Variants in GALNT13 observed in about 807,000 individuals in gnomAD.
GALNT13 encodes polypeptide N-acetylgalactosaminyltransferase 13.
In GALNT13, 28 loss-of-function variants were observed where a neutral mutation model predicts 64.2. The ratio of observed to expected loss-of-function variants is 0.44; its 90% CI spans 0.32 to 0.60. The LOEUF is 0.60. Among genes scored for constraint, GALNT13 ranks in the 20% least tolerant of loss-of-function variants. The pLI, the probability that GALNT13 is intolerant of heterozygous loss-of-function variation, is 0.05. For missense variants in GALNT13, 577 were observed against 669.8 expected (o/e 0.86, Z 1.53); for synonymous variants, 214 against 224.6 (o/e 0.95, Z 0.42).
the GALNT13 span, among the ~76,000 whole-genome samples, chr2:153,735,847 A>G: frequency 1.3e-5 from 2 of 152,150 alleles, no homozygotes. Flanking sequence ...GTTGCTTTCT[A>G]CCAGGTAGTG....
chr2:153,967,211 A>T (rs1693431901), intron 3 of GALNT13, among the ~76,000 whole-genome samples: 2 of 152,178 alleles, frequency 1.3e-5, no homozygotes, highest in Non-Finnish European at 2.9e-5. Context: ...TGTCTTTGCC[A>T]ATCAAGGATT....
the GALNT13 span, among the ~76,000 whole-genome samples, chr2:153,285,517 T>C: frequency 2.0e-5 from 3 of 152,126 alleles, no homozygotes; most frequent in Admixed American, 2.0e-4. Flanking sequence ...AATATAGACA[T>C]TAACAGGTCA....
the GALNT13 span, among the ~76,000 whole-genome samples, chr2:153,814,622 T>C: frequency 1.3e-5 from 2 of 152,172 alleles, no homozygotes; most frequent in Non-Finnish European, 2.9e-5. Flanking sequence ...GGAGCTACCA[T>C]TGCAGCTACC....
At chr2:153,649,456 C>G in the GALNT13 span, among the ~76,000 whole-genome samples, 1 of 150,026 alleles carries the variant, frequency 6.7e-6, no homozygotes, top group Non-Finnish European at 1.5e-5. Flanking sequence ...TTTTGTGTCT[C>G]TATTTCCTTC....
the GALNT13 span, among the ~76,000 whole-genome samples, chr2:153,747,429 T>G: frequency 7.2e-6 from 1 of 138,368 alleles, no homozygotes; most frequent in African/African-American, 2.9e-5. Flanking sequence ...TTGGTTTTTT[T>G]TTTTTTTTTT....
chr2:154,258,807 T>TA (rs556875567), intron 7 of GALNT13, among the ~76,000 whole-genome samples: 1,410 of 136,598 alleles, frequency 0.01, 8 homozygotes, highest in East Asian at 0.024. Flanking sequence ...TGATCACCTG[T>TA]AAAAAAAAAA....
At chr2:154,126,496 G>T (rs1466196108) in intron 3 of GALNT13, among the ~76,000 whole-genome samples, 1 of 151,960 alleles carries the variant, frequency 6.6e-6, no homozygotes, top group Non-Finnish European at 1.5e-5. Context: ...TCAGCTGGGC[G>T]TGGTGGTGGG....
At chr2:153,851,598 G>T in the GALNT13 span, among the ~76,000 whole-genome samples, 2 of 151,968 alleles carry the variant, frequency 1.3e-5, no homozygotes, top group Admixed American at 1.3e-4. Flanking sequence ...GCAGCTACTT[G>T]GGAGGCTGAG....
the GALNT13 span, among the ~76,000 whole-genome samples, chr2:153,359,513 G>A: frequency 1.3e-5 from 2 of 151,568 alleles, no homozygotes; most frequent in Non-Finnish European, 2.9e-5. Flanking sequence ...AAAATCCATT[G>A]GATGCAGCAC....
chr2:153,605,956 G>T, the GALNT13 span, among the ~76,000 whole-genome samples: 1 of 151,904 alleles, frequency 6.6e-6, no homozygotes, highest in African/African-American at 2.4e-5. Flanking sequence ...ATGCTGTGAG[G>T]GTCCTTGTGA....
At chr2:153,995,749 G>A (rs933361138) in intron 3 of GALNT13, among the ~76,000 whole-genome samples, 5 of 152,030 alleles carry the variant, frequency 3.3e-5, no homozygotes, top group African/African-American at 1.2e-4. Flanking sequence ...ACCCTATTAT[G>A]TGATAGAACA....
the GALNT13 span, among the ~76,000 whole-genome samples, chr2:153,515,664 C>T: frequency 1.3e-5 from 2 of 152,140 alleles, no homozygotes; most frequent in Admixed American, 1.3e-4. Flanking sequence ...GTATATGATC[C>T]TATGGGACCA....
intron 3 of GALNT13, among the ~76,000 whole-genome samples, chr2:154,090,984 G>GA (rs907156199): frequency 4.7e-5 from 7 of 149,376 alleles, no homozygotes; most frequent in Non-Finnish European, 6.0e-5. Flanking sequence ...TTACAAAGAT[G>GA]AAAAAAAAAC....
At chr2:153,457,756 GC>G in the GALNT13 span, among the ~76,000 whole-genome samples, 1 of 152,144 alleles carries the variant, frequency 6.6e-6, no homozygotes. Context: ...TTCTCCTAAT[GC>G]TTTTAATTTT....
the GALNT13 span, among the ~76,000 whole-genome samples, chr2:153,693,173 C>T: frequency 5.9e-5 from 9 of 152,242 alleles, no homozygotes; most frequent in East Asian, 1.2e-3. Context: ...TAGTCTAATC[C>T]GGCAGATCTC....
the GALNT13 span, among the ~76,000 whole-genome samples, chr2:153,685,942 C>G: frequency 2.0e-3 from 308 of 152,150 alleles, 2 homozygotes; most frequent in African/African-American, 6.5e-3. Context: ...TGTCAAAGAT[C>G]AGACAGTTAG....
intron 8 of GALNT13, among the ~76,000 whole-genome samples, chr2:154,271,670 A>G (rs1691362021): frequency 6.6e-6 from 1 of 151,916 alleles, no homozygotes; most frequent in Non-Finnish European, 1.5e-5. Flanking sequence ...CTGTATTGGT[A>G]AACCAACAAA....
the GALNT13 span, among the ~76,000 whole-genome samples, chr2:153,116,453 G>A: frequency 2.6e-5 from 4 of 152,082 alleles, no homozygotes; most frequent in Non-Finnish European, 2.9e-5. Context: ...TTCAGACTTC[G>A]TGTTTGGGAT....
intron 3 of GALNT13, among the ~76,000 whole-genome samples, chr2:154,038,525 C>T (rs958911007): frequency 6.6e-6 from 1 of 152,048 alleles, no homozygotes; most frequent in African/African-American, 2.4e-5. Flanking sequence ...AATGGGTACC[C>T]TTTTCAATAA....
Sources: allele counts gnomAD v4.1 joint callset (sites outside exome capture counted in the v4.1 genomes callset), GRCh38; gene constraint gnomAD v4.1.1; transcripts MANE v1.5; gene names NCBI Gene and HGNC (gene_info 2026-07-23, HGNC 2026-07-21).